Variants in OGDH observed in about 807,000 individuals in gnomAD.
OGDH encodes oxoglutarate dehydrogenase, also known as 2-oxoglutarate dehydrogenase complex component E1.
A neutral mutation model predicts 116.6 loss-of-function variants in OGDH; 38 were observed. The observed-to-expected ratio is 0.33, with a 90% CI of 0.25 to 0.43. The LOEUF (loss-of-function observed/expected upper bound fraction) is 0.43, where lower values mean the gene tolerates loss of function less well. Ranked by LOEUF, OGDH falls within the 20% of genes least tolerant of loss-of-function variation. The pLI, the probability that OGDH is intolerant of heterozygous loss-of-function variation, is 1.00. For synonymous variants in OGDH, 488 were observed against 533.3 expected (o/e 0.92, Z 1.17); for missense variants, 825 against 1,357.2 (o/e 0.61, Z 6.16).
At position 44,707,330 on chromosome 7, in the gene OGDH, C is replaced by A; in HGVS notation, c.2738C>A (p.Thr913Asn). Residue 913 changes from threonine to asparagine, a missense_variant, in exon 21 of 23, where the codon ACC (threonine) becomes AAC (asparagine). Coordinates refer to ENST00000222673, the MANE Select transcript of OGDH (RefSeq NM_002541.4). This position sits in a 1 kb window ranked among gnomAD's most constrained non-coding sequence, Gnocchi z 5.2. ...FCTGKVYYDL[T>N]RERKARDMVG... ...ACCGGCAAAGTGTATTATGACCTCACCCGGGAGCGCAAAGCACGCGACATG... is the reference window on the plus strand; with the variant it reads ...ACCGGCAAAGTGTATTATGACCTCAACCGGGAGCGCAAAGCACGCGACATG... 1.2e-6 allele frequency: 2 copies of A among 1,614,254 alleles called. No homozygotes were observed. Among genetic ancestry groups the A allele is most frequent in the Non-Finnish European group, 1.7e-6 (2 of 1,180,046 alleles).
intron 1 of OGDH, among the ~76,000 whole-genome samples, chr7:44,610,191 T>C (rs1330626439): frequency 6.6e-6 from 1 of 152,324 alleles, no homozygotes; most frequent in Non-Finnish European, 1.5e-5. Context: ...TTTTGTTAAC[T>C]GTTGAGCTTT....
At chr7:44,686,797 C>A (rs1585366851) in intron 10 of OGDH, among the ~76,000 whole-genome samples, 1 of 150,030 alleles carries the variant, frequency 6.7e-6, no homozygotes, top group African/African-American at 2.5e-5. Flanking sequence ...CAAGGATTCT[C>A]CTGCTTCAGC....
intron 2 of OGDH, among the ~76,000 whole-genome samples, chr7:44,639,681 T>C (rs1265959290): frequency 6.6e-6 from 1 of 152,152 alleles, no homozygotes; most frequent in African/African-American, 2.4e-5. Flanking sequence ...CAAAGAGGGC[T>C]TGCTGTTGTT....
intron 4 of OGDH, among the ~76,000 whole-genome samples, chr7:44,659,181 G>A (rs1786826234): frequency 6.6e-6 from 1 of 152,120 alleles, no homozygotes; most frequent in East Asian, 1.9e-4. Context: ...TAATGTCGTG[G>A]TAGACGATTT....
chr7:44,680,352 A>C (rs149219780), intron 9 of OGDH, among the ~76,000 whole-genome samples: 1 of 152,212 alleles, frequency 6.6e-6, no homozygotes, highest in East Asian at 1.9e-4. Context: ...GTATCCAAGG[A>C]GTAGAGGTGG....
At chr7:44,636,122 T>C (rs1463913093) in intron 2 of OGDH, among the ~76,000 whole-genome samples, 1 of 152,234 alleles carries the variant, frequency 6.6e-6, no homozygotes, top group East Asian at 1.9e-4. Context: ...CGAATCCTCA[T>C]GCAGTTCATG....
chr7:44,612,875 C>A (rs1285567264), intron 1 of OGDH, among the ~76,000 whole-genome samples: 1 of 144,238 alleles, frequency 6.9e-6, no homozygotes, highest in African/African-American at 2.6e-5. Context: ...TTTTTCTTTT[C>A]TTTTCTTTTC....
At chr7:44,616,471 T>G (rs1183635638) in intron 1 of OGDH, among the ~76,000 whole-genome samples, 1 of 152,086 alleles carries the variant, frequency 6.6e-6, no homozygotes, top group African/African-American at 2.4e-5. Context: ...GCTTCTGTGC[T>G]AAATGATGGA....
At chr7:44,639,391 G>T (rs1466321524) in intron 2 of OGDH, among the ~76,000 whole-genome samples, 1 of 152,122 alleles carries the variant, frequency 6.6e-6, no homozygotes, top group Non-Finnish European at 1.5e-5. Flanking sequence ...GGAGGGGTGG[G>T]GCCAGTGGGT....
Position 44,697,574 on chromosome 7 carries a change from A to T in OGDH, c.2180-30A>T. Reference sequence around the variant, plus strand: ...GGGCCTACTGGCTGGTGTCCTGGACATGGTTTTCTCCTTCCTTTGTCCCTT... The same window carrying T: ...GGGCCTACTGGCTGGTGTCCTGGACTTGGTTTTCTCCTTCCTTTGTCCCTT... On this transcript the variant is annotated intron_variant, in intron 16 of 22. Coordinates refer to ENST00000222673, the MANE Select transcript of OGDH (RefSeq NM_002541.4). The surrounding 1 kb of genome is among the most constrained non-coding windows in gnomAD (Gnocchi z 6.0). 1.2e-6 allele frequency: 2 copies of T among 1,613,998 alleles called. No individual in the cohort carries two copies. The highest frequency in any genetic ancestry group is 4.5e-5 in the East Asian group (2 of 44,874).
intron 2 of OGDH, among the ~76,000 whole-genome samples, chr7:44,642,767 C>T (rs1396401059): frequency 1.3e-5 from 2 of 151,376 alleles, no homozygotes; most frequent in Non-Finnish European, 2.9e-5. Flanking sequence ...ACTAAAAATA[C>T]AAAAATTAGC....
chr7:44,616,195 ATGT>A (rs1784760873), intron 1 of OGDH, among the ~76,000 whole-genome samples: 2 of 152,092 alleles, frequency 1.3e-5, no homozygotes, highest in Non-Finnish European at 2.9e-5. Flanking sequence ...CTTTAATGAG[ATGT>A]TGAAAAATTG....
chr7:44,626,340 C>CACACCCCT (rs1785207551), intron 2 of OGDH, among the ~76,000 whole-genome samples: 1 of 135,736 alleles, frequency 7.4e-6, no homozygotes, highest in African/African-American at 2.9e-5. Flanking sequence ...CACCCCTACA[C>CACACCCCT]ACACACACAC....
chr7:44,624,473 G>T lies in OGDH; in HGVS notation c.130G>T (p.Val44Phe). 1 of 1,613,784 alleles carries T rather than the reference G, an allele frequency of 6.2e-7. No homozygotes were observed. Among genetic ancestry groups the T allele is most frequent in the Middle Eastern group, 1.6e-4 (1 of 6,062 alleles). The change falls in exon 2 of 23, where the codon GTT becomes TTT. Residue 44 changes from valine (V) to phenylalanine (F), a missense_variant. Physicochemically the swap from Val to Phe is conservative, Grantham distance 50 (BLOSUM62 -1). This residue lies in a region of OGDH where 126 missense variants were observed against 130.4 expected (regional missense o/e 0.97). Transcript: ENST00000222673. ...FQQIRCYSAPVAAEPFLSGTS... is the reference protein window; with the variant it reads ...FQQIRCYSAPFAAEPFLSGTS... The stretch of plus-strand genomic sequence containing the variant: ...ACAGATTCGGTGCTATTCTGCACCT[G>T]TTGCTGCTGAGCCCTTTCTCAGTGG...
intron 2 of OGDH, among the ~76,000 whole-genome samples, chr7:44,630,046 C>G (rs932297340): frequency 6.6e-6 from 1 of 152,180 alleles, no homozygotes; most frequent in African/African-American, 2.4e-5. Flanking sequence ...CTGTCGACAC[C>G]GTTCTGCTTC....
rs1279953732 is a variant in OGDH at position 44,694,204 on chromosome 7, G to A, written c.1515+200G>A. ...ACCAAGGAATGCTTCCCAGGCAGGA[G>A]CTGTGGTGGTGAGGAGGGCCACTCC... On this transcript the variant is annotated intron_variant, in intron 11 of 22. Coordinates refer to ENST00000222673, the MANE Select transcript of OGDH (RefSeq NM_002541.4). The surrounding 1 kb of genome is among the most constrained non-coding windows in gnomAD (Gnocchi z 4.2). Among the ~76,000 whole-genome samples, 2 of 152,274 alleles carry A rather than the reference G, an allele frequency of 1.3e-5. No individual in the cohort carries two copies. The highest frequency in any genetic ancestry group is 1.3e-4 in the Admixed American group (2 of 15,290).
chr7:44,697,573 C>A lies in OGDH; in HGVS notation c.2180-31C>A, dbSNP rs779574583. The A allele has an allele frequency of 2.5e-6, 4 of 1,614,044 alleles. No homozygotes were observed. In the South Asian group the frequency reaches 4.4e-5, roughly 18 times the overall value. On this transcript the variant is annotated intron_variant, in intron 16 of 22. Transcript: ENST00000222673. The surrounding 1 kb of genome is among the most constrained non-coding windows in gnomAD (Gnocchi z 6.0). ...TGGGCCTACTGGCTGGTGTCCTGGA[C>A]ATGGTTTTCTCCTTCCTTTGTCCCT...
chr7:44,663,284 AC>A (rs569873991), intron 4 of OGDH, among the ~76,000 whole-genome samples: 17 of 152,338 alleles, frequency 1.1e-4, no homozygotes, highest in African/African-American at 3.6e-4. Context: ...TTTGGCTGAG[AC>A]ATTCTAATTT....
At chr7:44,645,575 C>G in intron 3 of OGDH, 57 bp downstream of exon 3, 2 of 1,515,286 alleles carry the variant, frequency 1.3e-6, no homozygotes, top group South Asian at 2.4e-5. Context: ...TTAGGTCATG[C>G]CTCATGGGCC....
Sources: gnomAD v4.1 joint callset for allele counts (sites outside exome capture counted in the v4.1 genomes callset) on GRCh38, gnomAD v4.1.1 for gene constraint, gnomAD v4.1.1 regional missense constraint, Gnocchi (gnomAD v3.1) non-coding constraint, MANE v1.5 for transcripts, NCBI Gene and HGNC (gene_info 2026-07-23, HGNC 2026-07-21) for gene names.